DNAJC13: variants seen among roughly 807,000 people sequenced by gnomAD.
DNAJC13 encodes the protein DnaJ heat shock protein family (Hsp40) member C13.
DNAJC13 carries 75 observed loss-of-function variants against 290.5 expected under a neutral mutation model. The ratio of observed to expected loss-of-function variants is 0.26; its 90% CI spans 0.21 to 0.31. DNAJC13 has a LOEUF of 0.31. Among genes scored for constraint, DNAJC13 ranks in the 10% least tolerant of loss-of-function variants. The pLI, the probability that DNAJC13 is intolerant of heterozygous loss-of-function variation, is 1.00. For synonymous variants in DNAJC13, 862 were observed against 892.0 expected, an observed-to-expected ratio of 0.97 and a Z score of 0.60; for missense variants, 2,260 against 2,674.5, an observed-to-expected ratio of 0.85 and a Z score of 3.42.
chr3:132,495,217 T>C (rs1331470132), intron 35 of DNAJC13, 51 bp downstream of exon 35: 1 of 1,438,836 alleles, frequency 7.0e-7, no homozygotes, highest in African/African-American at 1.4e-5. Flanking sequence ...TGCTCTATTA[T>C]TATGTAGTTG....
chr3:132,484,996 A>G (rs2107700508), intron 29 of DNAJC13, among the ~76,000 whole-genome samples: 1 of 152,130 alleles, frequency 6.6e-6, no homozygotes, highest in East Asian at 1.9e-4. Context: ...AGGTGGGAGG[A>G]TTGTTTGATC....
chr3:132,527,364 G>T (rs1936291910), intron 53 of DNAJC13, among the ~76,000 whole-genome samples: 1 of 152,126 alleles, frequency 6.6e-6, no homozygotes, highest in South Asian at 2.1e-4. Flanking sequence ...TATTATCTGG[G>T]CTTCCCCTTC....
intron 48 of DNAJC13, 127 bp downstream of exon 48, chr3:132,516,943 GA>G: frequency 1.2e-6 from 1 of 808,940 alleles, no homozygotes; most frequent in South Asian, 1.8e-5. Flanking sequence ...GTGAAAGTTG[GA>G]AAATTCACAT....
rs771474254 is a variant in DNAJC13 at position 132,496,623 on chromosome 3, T to A, written c.4116T>A (p.Ile1372=). ...DGPDPENIIL[I]LKTQSILFNR... ...CAGATCCAGAGAATATAATTTTAAT[T>A]CTAAAAACACAGAGCATCCTCTTCA... The change falls in exon 36 of 56, where the codon ATT becomes ATA. Residue 1372 remains isoleucine (I), a synonymous_variant. Transcript: ENST00000260818. 1.9e-6 allele frequency: 3 copies of A among 1,611,172 alleles called. No homozygotes were observed. In the East Asian group the frequency reaches 6.7e-5, roughly 36 times the overall value.
intron 2 of DNAJC13, among the ~76,000 whole-genome samples, chr3:132,446,128 T>G (rs942956633): frequency 7.1e-6 from 1 of 141,376 alleles, no homozygotes; most frequent in Admixed American, 7.0e-5. Context: ...GTATGCAGTG[T>G]TTTTTTTTTT....
At chr3:132,457,192 A>C (rs1328739337) in intron 12 of DNAJC13, 77 bp from the exon 13 acceptor site, 1 of 1,027,740 alleles carries the variant, frequency 9.7e-7, no homozygotes, top group African/African-American at 1.6e-5. Flanking sequence ...TGGAAAGTTA[A>C]TATGATCTAT....
At position 132,511,085 on chromosome 3, in the gene DNAJC13, G is replaced by T; in HGVS notation, c.5134G>T (p.Ala1712Ser). 1.2e-6 allele frequency: 2 copies of T among 1,613,552 alleles called. No homozygotes were observed. The highest frequency in any genetic ancestry group is 2.2e-5 in the East Asian group (1 of 44,876). Residue 1712 changes from alanine (A) to serine (S), a missense_variant, in exon 44 of 56, where the codon GCA (alanine) becomes TCA (serine). Ala to Ser is a moderately conservative substitution (Grantham distance 99). Transcript: ENST00000260818. Reference protein sequence around the residue: ...FQLEVPKAFAASLLDYIGSQA... With the variant: ...FQLEVPKAFASSLLDYIGSQA... ...TGATTAGGTTCCAAAAGCATTTGCT[G>T]CAAGTCTCTTGGATTATATAGGCTC...
At chr3:132,513,394 T>A (rs929347148) in intron 45 of DNAJC13, among the ~76,000 whole-genome samples, 15 of 152,162 alleles carry the variant, frequency 9.9e-5, no homozygotes, top group African/African-American at 3.6e-4. Flanking sequence ...TGGGGAAGCT[T>A]AGAAGCCACA....
intron 20 of DNAJC13, among the ~76,000 whole-genome samples, chr3:132,469,700 C>T (rs1934119696): frequency 6.6e-6 from 1 of 152,084 alleles, no homozygotes; most frequent in Non-Finnish European, 1.5e-5. Context: ...CATTAGTTTT[C>T]ATGATAGTGC....
At chr3:132,418,615 G>A (rs545392183) in intron 1 of DNAJC13, among the ~76,000 whole-genome samples, 23 of 152,120 alleles carry the variant, frequency 1.5e-4, no homozygotes, top group Middle Eastern at 3.4e-3. Flanking sequence ...TCCCTTTTAC[G>A]TTATTCTGAT....
intron 1 of DNAJC13, among the ~76,000 whole-genome samples, chr3:132,429,940 T>C (rs1006306179): frequency 6.6e-6 from 1 of 152,166 alleles, no homozygotes; most frequent in Non-Finnish European, 1.5e-5. Flanking sequence ...CAGAAAATTA[T>C]CAGGTGTGCA....
chr3:132,432,745 A>G (rs574126057), intron 1 of DNAJC13, among the ~76,000 whole-genome samples: 1 of 152,324 alleles, frequency 6.6e-6, no homozygotes, highest in Non-Finnish European at 1.5e-5. Flanking sequence ...GTTACAGTCA[A>G]TGAATATTGT....
At chr3:132,476,582 A>T (rs1934480805) in intron 22 of DNAJC13, among the ~76,000 whole-genome samples, 1 of 152,200 alleles carries the variant, frequency 6.6e-6, no homozygotes, top group Non-Finnish European at 1.5e-5. Flanking sequence ...TTAAAATCTG[A>T]GTCCTTAAAA....
At chr3:132,477,768 A>C (rs773270943) in intron 22 of DNAJC13, 21 bp from the exon 23 acceptor site, 21 of 1,557,864 alleles carry the variant, frequency 1.3e-5, no homozygotes, top group Non-Finnish European at 1.8e-5. Flanking sequence ...AAAATAGTGT[A>C]ATTTGCTTTT....
At chr3:132,430,351 C>A (rs1939208179) in intron 1 of DNAJC13, among the ~76,000 whole-genome samples, 1 of 151,654 alleles carries the variant, frequency 6.6e-6, no homozygotes, top group Non-Finnish European at 1.5e-5. Flanking sequence ...TCTTATATTT[C>A]TTTTGTTATT....
chr3:132,468,503 T>C (rs1313151094), intron 20 of DNAJC13, among the ~76,000 whole-genome samples: 1 of 152,162 alleles, frequency 6.6e-6, no homozygotes, highest in African/African-American at 2.4e-5. Flanking sequence ...ATATTCAATA[T>C]AAAGAATCAT....
At chr3:132,507,689 A>C (rs1935639899) in intron 43 of DNAJC13, among the ~76,000 whole-genome samples, 1 of 152,154 alleles carries the variant, frequency 6.6e-6, no homozygotes, top group South Asian at 2.1e-4. Context: ...GAAGTTCATC[A>C]ATAGTGAACT....
chr3:132,447,945 TATTTAAC>T lies in DNAJC13; in HGVS notation c.336+12_336+18del, dbSNP rs1444870589. 6.6e-7 allele frequency: 1 copy of T among 1,509,264 alleles called. No individual in the cohort carries two copies. The highest frequency in any genetic ancestry group is 1.7e-5 in the Admixed American group (1 of 58,264). The allele number at this position is 1,509,264 out of a possible 1,614,324, so 93.5% of individuals were successfully genotyped here. A position where few individuals can be genotyped will look rare whatever the true frequency, so the allele number is the denominator to read the frequency against. The stretch of plus-strand genomic sequence containing the variant: ...AGGGAAAAATCACAGGAAGGGTAAA[TATTTAAC>T]ATTTATTATGTATTTTTATTTGTTC... On this transcript the variant is annotated splice_region_variant and intron_variant, in intron 5 of 55. Transcript: ENST00000260818.
intron 20 of DNAJC13, among the ~76,000 whole-genome samples, chr3:132,471,930 C>G (rs1425149767): frequency 1.4e-5 from 2 of 144,462 alleles, no homozygotes; most frequent in African/African-American, 5.0e-5. Context: ...GCCGAGATCA[C>G]GCCACTGCAC....
Sources: allele counts gnomAD v4.1 joint callset (sites outside exome capture counted in the v4.1 genomes callset), GRCh38; gene constraint gnomAD v4.1.1; transcripts MANE v1.5; gene names NCBI Gene and HGNC (gene_info 2026-07-23, HGNC 2026-07-21).